Variants in RALGAPA1 observed in about 807,000 individuals in gnomAD.
RALGAPA1 encodes Ral GTPase activating protein catalytic subunit alpha 1, also known as ral GTPase-activating protein subunit alpha-1.
RALGAPA1 carries 52 observed loss-of-function variants against 269.6 expected under a neutral mutation model. The observed-to-expected ratio is 0.19, with a 90% CI of 0.15 to 0.24. RALGAPA1 has a LOEUF of 0.24. Among genes scored for constraint, RALGAPA1 ranks in the 10% least tolerant of loss-of-function variants. The pLI, the probability that RALGAPA1 is intolerant of heterozygous loss-of-function variation, is 1.00. For synonymous variants in RALGAPA1, 817 were observed against 1,008.3 expected, an observed-to-expected ratio of 0.81 and a Z score of 3.60; for missense variants, 1,917 against 3,013.9, an observed-to-expected ratio of 0.64 and a Z score of 8.52.
chr14:35,691,358 G>A (rs1053980401), intron 17 of RALGAPA1, among the ~76,000 whole-genome samples: 2 of 151,926 alleles, frequency 1.3e-5, no homozygotes, highest in African/African-American at 4.8e-5. Context: ...ATCATGGTCT[G>A]TAAGTTACCT....
intron 41 of RALGAPA1, among the ~76,000 whole-genome samples, chr14:35,546,906 CTA>C (rs2054511047): frequency 6.6e-6 from 1 of 151,976 alleles, no homozygotes; most frequent in Admixed American, 6.6e-5. Context: ...TTTTCAGATT[CTA>C]TGTTTTTGCT....
chr14:35,674,831 A>G, intron 22 of RALGAPA1, 122 bp from the exon 23 acceptor site: 2 of 541,870 alleles, frequency 3.7e-6, no homozygotes, highest in Non-Finnish European at 3.3e-6. Flanking sequence ...AAATGTCAAC[A>G]TACATTATTT....
chr14:35,674,319 G>A (rs774344116), intron 23 of RALGAPA1, 41 bp from the exon 24 acceptor site: 2 of 1,491,570 alleles, frequency 1.3e-6, no homozygotes, highest in South Asian at 1.2e-5. Flanking sequence ...TAAGAAAACT[G>A]TTATCTCTTC....
intron 4 of RALGAPA1, among the ~76,000 whole-genome samples, chr14:35,769,120 A>G (rs1334739534): frequency 6.7e-6 from 1 of 148,464 alleles, no homozygotes; most frequent in Non-Finnish European, 1.5e-5. Context: ...TAGAAAGCAG[A>G]AAAAGTATAA....
chr14:35,626,982 T>C, intron 34 of RALGAPA1, 108 bp downstream of exon 34: 2 of 1,130,702 alleles, frequency 1.8e-6, no homozygotes, highest in East Asian at 2.8e-5. Flanking sequence ...AAGAACTAAT[T>C]GGTAGATAAA....
At chr14:35,591,308 G>A (rs2058621258) in intron 37 of RALGAPA1, among the ~76,000 whole-genome samples, 1 of 152,014 alleles carries the variant, frequency 6.6e-6, no homozygotes, top group Non-Finnish European at 1.5e-5. Context: ...ATGTATGTAT[G>A]TATGTATGTA....
Position 35,748,739 on chromosome 14 carries a change from G to C in RALGAPA1, c.1097C>G (p.Ser366Cys), listed in dbSNP as rs921047919. The C allele has an allele frequency of 2.5e-6, 4 of 1,612,700 alleles. No homozygotes were observed. Among genetic ancestry groups the C allele is most frequent in the Middle Eastern group, 1.7e-4 (1 of 5,904 alleles). The change falls in exon 10 of 42, where the codon TCT becomes TGT. Residue 366 changes from serine to cysteine, a missense_variant. Ser to Cys is a moderately radical substitution (Grantham distance 112). Coordinates refer to ENST00000680220, the MANE Select transcript of RALGAPA1 (RefSeq NM_001346249.2). ...CGTGAGAGTGCTTGTATTGGAATGA[G>C]ACTGTTCGGGTTCTGTAGTTCTGTC... ...KTDRTTEPEQSHSNTSTLTER... is the reference protein window; with the variant it reads ...KTDRTTEPEQCHSNTSTLTER...
intron 1 of RALGAPA1, among the ~76,000 whole-genome samples, chr14:35,788,743 T>G (rs2075967789): frequency 6.6e-6 from 1 of 152,218 alleles, no homozygotes; most frequent in Non-Finnish European, 1.5e-5. Context: ...TCAGTTAAAG[T>G]CCTGTTTTAT....
chr14:35,631,445 C>A (rs1484600125), intron 33 of RALGAPA1, among the ~76,000 whole-genome samples: 1 of 151,606 alleles, frequency 6.6e-6, no homozygotes. Flanking sequence ...AAGACTAAAC[C>A]GAATTTTAAA....
In RALGAPA1 at chr14:35,658,089, GGAA is replaced by G. The variant is rs2063316208; in HGVS notation, c.5387+1046_5387+1048del. On this transcript the variant is annotated intron_variant, in intron 28 of 41. Coordinates refer to ENST00000680220, the MANE Select transcript of RALGAPA1 (RefSeq NM_001346249.2). ...GCATCAGTATCTGGCTAGCAAAACT[GGAA>G]GAAGAGGGTGATTCTATTAAACTCT... Among the ~76,000 whole-genome samples, 3 of 152,092 alleles carry G rather than the reference GGAA, an allele frequency of 2.0e-5. No individual in the cohort carries two copies. The South Asian group carries it at 6.2e-4, about 32-fold the overall frequency.
In RALGAPA1 at chr14:35,689,858, T is replaced by C. The variant is rs2066330463; in HGVS notation, c.2553A>G (p.Pro851=). The C allele has an allele frequency of 6.2e-7, 1 of 1,604,258 alleles. No individual in the cohort carries two copies. Among genetic ancestry groups the C allele is most frequent in the Non-Finnish European group, 8.5e-7 (1 of 1,176,748 alleles). ...RSSSTSDILE[P]FTVERAKGAV... ...CACCTTTGGCTCGTTCAACAGTGAA[T>C]GGTTCCAAGATGTCAGAAGTGCTGC... The change falls in exon 18 of 42, where the codon CCA becomes CCG. Residue 851 remains proline, a synonymous_variant. Transcript: ENST00000680220.
At chr14:35,599,324 A>G (rs2059130832) in intron 36 of RALGAPA1, among the ~76,000 whole-genome samples, 1 of 152,084 alleles carries the variant, frequency 6.6e-6, no homozygotes, top group African/African-American at 2.4e-5. Context: ...TTTCCTTTCT[A>G]TTAATAAAAC....
At chr14:35,634,948 G>A (rs1472288377) in intron 32 of RALGAPA1, among the ~76,000 whole-genome samples, 191 bp from the exon 33 acceptor site, 1 of 152,108 alleles carries the variant, frequency 6.6e-6, no homozygotes, top group Non-Finnish European at 1.5e-5. Context: ...CAGCCAGGTG[G>A]ATCACTTGAG....
At chr14:35,780,103 T>G (rs1011536142) in intron 1 of RALGAPA1, among the ~76,000 whole-genome samples, 2 of 131,444 alleles carry the variant, frequency 1.5e-5, no homozygotes, top group Admixed American at 7.1e-5. Context: ...CTAGACTGTC[T>G]CAAAAAAAAA....
chr14:35,762,688 T>A (rs1254615590), intron 5 of RALGAPA1, 22 bp downstream of exon 5: 1 of 1,424,868 alleles, frequency 7.0e-7, no homozygotes, highest in South Asian at 1.1e-5. Context: ...TTTAAAGTCA[T>A]GGAAAGTAAA....
At chr14:35,551,161 A>G (rs1291183988) in intron 39 of RALGAPA1, among the ~76,000 whole-genome samples, 5 of 152,190 alleles carry the variant, frequency 3.3e-5, no homozygotes, top group Non-Finnish European at 7.4e-5. Context: ...ATTTGGCTGA[A>G]AAGGGAAAAA....
chr14:35,730,479 G>A (rs1344488398), intron 12 of RALGAPA1, among the ~76,000 whole-genome samples: 1 of 146,554 alleles, frequency 6.8e-6, no homozygotes, highest in Non-Finnish European at 1.5e-5. Context: ...GAGGAAGGTA[G>A]CCCAGGGAAA....
chr14:35,809,211 G>A lies in RALGAPA1; in HGVS notation c.-376C>T, dbSNP rs1757936330. Reference sequence around the variant, plus strand: ...GAAGGTGGAGCTCTCGGCGGCAGGAGCACAACTCTCTCCCTGAGGCCCCCT... The same window carrying A: ...GAAGGTGGAGCTCTCGGCGGCAGGAACACAACTCTCTCCCTGAGGCCCCCT... On this transcript the variant is annotated 5_prime_UTR_variant, in exon 1 of 42. Transcript: ENST00000680220. The A allele has an allele frequency of 4.3e-6, 1 of 233,266 alleles. No homozygotes were observed. Among genetic ancestry groups the A allele is most frequent in the Non-Finnish European group, 8.2e-6 (1 of 121,342 alleles). The allele number at this position is 233,266 out of a possible 1,614,324, so 14.4% of individuals were successfully genotyped here. A position where few individuals can be genotyped will look rare whatever the true frequency, so the allele number is the denominator to read the frequency against.
intron 39 of RALGAPA1, among the ~76,000 whole-genome samples, chr14:35,551,497 G>A (rs1023731232): frequency 2.0e-5 from 3 of 152,056 alleles, no homozygotes; most frequent in Admixed American, 2.0e-4. Context: ...GCTTGAATGG[G>A]TAAAATGCTT....
Sources: gnomAD v4.1 joint callset for allele counts (sites outside exome capture counted in the v4.1 genomes callset) on GRCh38, gnomAD v4.1.1 for gene constraint, MANE v1.5 for transcripts, NCBI Gene and HGNC (gene_info 2026-07-23, HGNC 2026-07-21) for gene names.